The following LPCAT3 variants were observed in gnomAD, a reference collection of about 807,000 sequenced individuals.
LPCAT3 encodes lysophosphatidylcholine acyltransferase 3, also known as lysophospholipid acyltransferase 5.
Under a neutral mutation model 63.4 loss-of-function variants are expected in LPCAT3, and 21 were observed. The observed-to-expected ratio is 0.33, with a 90% CI of 0.23 to 0.48. LPCAT3 has a LOEUF of 0.48. Among genes scored for constraint, LPCAT3 ranks in the 20% least tolerant of loss-of-function variants. The pLI is 0.99. For missense variants in LPCAT3, 451 were observed against 590.6 expected (o/e 0.76, Z 2.45); for synonymous variants, 242 against 227.5 (o/e 1.06, Z -0.58).
chr12:6,986,772 G>A lies in LPCAT3; in HGVS notation c.152-3233C>T, dbSNP rs1555154771. Among the ~76,000 whole-genome samples the A allele has an allele frequency of 7.0e-5, 10 of 143,564 alleles. No individual in the cohort carries two copies. In the East Asian group the frequency reaches 1.9e-3, roughly 27 times the overall value. The allele number at this position is 143,564 out of a possible 152,430, so 94.2% of individuals were successfully genotyped here. The stretch of plus-strand genomic sequence containing the variant: ...AGAGAGAGCCACTGCACTCCAGCCT[G>A]GTGACAGAGTGAGACTCTGTCTCAA... On this transcript the variant is annotated intron_variant, in intron 1 of 12. Transcript: ENST00000261407.
At chr12:6,994,388 A>G (rs1363056844) in intron 1 of LPCAT3, among the ~76,000 whole-genome samples, 1 of 151,724 alleles carries the variant, frequency 6.6e-6, no homozygotes, top group African/African-American at 2.4e-5. Flanking sequence ...TTGTATTTTC[A>G]GTAGAGATGG....
Position 6,987,678 on chromosome 12 carries a change from T to C in LPCAT3, c.152-4139A>G. Reference sequence around the variant, plus strand: ...TAAGTTCTAGGTAGCTAAGTTTCTCTCTTTAAGCATGAAAACCCTTAACCA... The same window carrying C: ...TAAGTTCTAGGTAGCTAAGTTTCTCCCTTTAAGCATGAAAACCCTTAACCA... On this transcript the variant is annotated intron_variant, in intron 1 of 12. Coordinates refer to ENST00000261407, the MANE Select transcript of LPCAT3 (RefSeq NM_005768.6). This position sits in a 1 kb window ranked among gnomAD's most constrained non-coding sequence, Gnocchi z 4.1. 1 of 397,138 alleles carries C rather than the reference T, an allele frequency of 2.5e-6. No individual in the cohort carries two copies. The highest frequency in any genetic ancestry group is 4.4e-6 in the Non-Finnish European group (1 of 225,360). The allele number at this position is 397,138 out of a possible 1,614,324, so 24.6% of individuals were successfully genotyped here.
At chr12:6,984,611 G>A (rs1474208687) in intron 1 of LPCAT3, among the ~76,000 whole-genome samples, 1 of 152,148 alleles carries the variant, frequency 6.6e-6, no homozygotes, top group Non-Finnish European at 1.5e-5. Context: ...TTGAGACAGG[G>A]TCTCTTGCTC....
chr12:6,978,743 T>C, intron 7 of LPCAT3, 54 bp from the exon 8 acceptor site: 1 of 1,599,540 alleles, frequency 6.3e-7, no homozygotes, highest in Non-Finnish European at 8.5e-7. Context: ...AGGCAGTTTC[T>C]CTCAGCACTC....
chr12:7,007,991 T>TTATA, intron 1 of LPCAT3, among the ~76,000 whole-genome samples: 1 of 152,136 alleles, frequency 6.6e-6, no homozygotes. Context: ...CTAACAGTTA[T>TTATA]TATACACTTG....
At chr12:6,995,440 C>CTCCA in intron 1 of LPCAT3, among the ~76,000 whole-genome samples, 1 of 151,640 alleles carries the variant, frequency 6.6e-6, no homozygotes, top group Admixed American at 6.6e-5. Context: ...TCTCACTGTA[C>CTCCA]TCCAGCCTGG....
In LPCAT3 at chr12:6,977,586, C is replaced by G. The variant is rs782178630; in HGVS notation, c.1188+12G>C. On this transcript the variant is annotated intron_variant, in intron 10 of 12. Coordinates refer to ENST00000261407, the MANE Select transcript of LPCAT3 (RefSeq NM_005768.6). This position sits in a 1 kb window ranked among gnomAD's most constrained non-coding sequence, Gnocchi z 4.5. Reference sequence around the variant, plus strand: ...CCTTATATTCCCCTTCACCCCCACCCTGGAGGCCTACCTGTCTTTCCACAA... The same window carrying G: ...CCTTATATTCCCCTTCACCCCCACCGTGGAGGCCTACCTGTCTTTCCACAA... The G allele has an allele frequency of 1.9e-6, 3 of 1,614,212 alleles. No homozygotes were observed. The highest frequency in any genetic ancestry group is 3.3e-5 in the Admixed American group (2 of 60,020).
chr12:6,992,862 T>G (rs2138344705), intron 1 of LPCAT3, among the ~76,000 whole-genome samples: 1 of 152,350 alleles, frequency 6.6e-6, no homozygotes, highest in Admixed American at 6.5e-5. Context: ...TGGTGTAGTA[T>G]TGCATGTAAC....
At chr12:6,988,606 C>T (rs1428719458) in intron 1 of LPCAT3, among the ~76,000 whole-genome samples, 4 of 152,170 alleles carry the variant, frequency 2.6e-5, no homozygotes, top group East Asian at 1.9e-4. Context: ...AAAAAATGAC[C>T]GAAGCCCCTT....
chr12:6,992,231 G>A (rs1946595894), intron 1 of LPCAT3, among the ~76,000 whole-genome samples: 1 of 151,904 alleles, frequency 6.6e-6, no homozygotes, highest in Admixed American at 6.6e-5. Flanking sequence ...AGCTACTCAG[G>A]AGGCTGAGGT....
At chr12:7,007,263 C>G (rs1311625490) in intron 1 of LPCAT3, among the ~76,000 whole-genome samples, 1 of 151,566 alleles carries the variant, frequency 6.6e-6, no homozygotes, top group Non-Finnish European at 1.5e-5. Flanking sequence ...GTTGGCCAGG[C>G]TGGTCTCAAA....
At chr12:6,998,710 A>C (rs984512391) in intron 1 of LPCAT3, among the ~76,000 whole-genome samples, 1 of 152,208 alleles carries the variant, frequency 6.6e-6, no homozygotes, top group Non-Finnish European at 1.5e-5. Flanking sequence ...CTTTCTGTTC[A>C]CTAGATTAAG....
intron 1 of LPCAT3, among the ~76,000 whole-genome samples, chr12:7,001,942 G>A (rs1238103300): frequency 6.6e-6 from 1 of 152,164 alleles, no homozygotes; most frequent in East Asian, 1.9e-4. Flanking sequence ...GTGAGATGTG[G>A]GAGTCGGGGG....
intron 1 of LPCAT3, among the ~76,000 whole-genome samples, chr12:7,003,916 G>A (rs1029275825): frequency 5.3e-5 from 7 of 131,150 alleles, no homozygotes; most frequent in Non-Finnish European, 6.2e-5. Flanking sequence ...GCGACAGAGC[G>A]AGACTCCGTC....
At chr12:6,989,176 T>C (rs1248728263) in intron 1 of LPCAT3, among the ~76,000 whole-genome samples, 3 of 152,032 alleles carry the variant, frequency 2.0e-5, no homozygotes, top group Non-Finnish European at 2.9e-5. Context: ...TTCTTTTTGA[T>C]TGTTTGTTTA....
At chr12:7,001,396 C>T in intron 1 of LPCAT3, 1 of 454,366 alleles carries the variant, frequency 2.2e-6, no homozygotes, top group Non-Finnish European at 4.4e-6. Context: ...AAAAAATAAT[C>T]AACCACCACC....
At chr12:6,990,487 C>T (rs995656220) in intron 1 of LPCAT3, among the ~76,000 whole-genome samples, 18 of 148,918 alleles carry the variant, frequency 1.2e-4, no homozygotes, top group Non-Finnish European at 2.1e-4. Context: ...CCAGCCTGGG[C>T]GACACAGTGA....
chr12:6,978,872 G>A (rs1555153677), intron 7 of LPCAT3, 183 bp from the exon 8 acceptor site: 1 of 766,372 alleles, frequency 1.3e-6, no homozygotes, highest in East Asian at 2.8e-5. Flanking sequence ...CAGAGGGCCT[G>A]GAGAATATTC....
Position 6,981,642 on chromosome 12 carries a change from G to C in LPCAT3, c.461-10C>G. The C allele has an allele frequency of 6.3e-7, 1 of 1,581,072 alleles. No individual in the cohort carries two copies. The highest frequency in any genetic ancestry group is 8.6e-7 in the Non-Finnish European group (1 of 1,158,874). ...TAGTCAACAGCCAAACCTGAGCAGA[G>C]AGAGAACGGATGGGTAGGGTGGTGG... is the stretch of plus-strand genomic sequence containing the variant. On this transcript the variant is annotated splice_polypyrimidine_tract_variant and intron_variant, in intron 4 of 12. Coordinates refer to ENST00000261407, the MANE Select transcript of LPCAT3 (RefSeq NM_005768.6).
Sources: gnomAD v4.1 joint callset for allele counts (sites outside exome capture counted in the v4.1 genomes callset) on GRCh38, gnomAD v4.1.1 for gene constraint, Gnocchi (gnomAD v3.1) non-coding constraint, MANE v1.5 for transcripts, NCBI Gene and HGNC (gene_info 2026-07-23, HGNC 2026-07-21) for gene names.